The following SLC45A2 variants were observed in gnomAD, a reference collection of about 807,000 sequenced individuals.
SLC45A2 encodes the protein solute carrier family 45 member 2, also known as membrane-associated transporter protein.
SLC45A2 carries 36 observed loss-of-function variants against 45.5 expected under a neutral mutation model. That is an observed-to-expected ratio of 0.79 (90% CI 0.61 to 1.04). The LOEUF is 1.04. Ranked by LOEUF, SLC45A2 falls within the 50% of genes least tolerant of loss-of-function variation. The probability of loss-of-function intolerance (pLI) is 0.00; values close to 1 mark genes in which losing one functional copy is unlikely to be tolerated. For synonymous variants in SLC45A2, 306 were observed against 269.3 expected, an observed-to-expected ratio of 1.14 and a Z score of -1.33; for missense variants, 719 against 671.0, an observed-to-expected ratio of 1.07 and a Z score of -0.79.
At chr5:33,976,879 G>A (rs1752942224) in intron 2 of SLC45A2, among the ~76,000 whole-genome samples, 1 of 152,190 alleles carries the variant, frequency 6.6e-6, no homozygotes, top group African/African-American at 2.4e-5. Flanking sequence ...TCCCATCCAA[G>A]CTTCAGGAGC....
chr5:33,954,495 C>G lies in SLC45A2; in HGVS notation c.898G>C (p.Ala300Pro), dbSNP rs774450439. 6.2e-7 allele frequency: 1 copy of G among 1,613,682 alleles called. No individual in the cohort carries two copies. Among genetic ancestry groups the G allele is most frequent in the African/African-American group, 1.3e-5 (1 of 74,896 alleles). Residue 300 changes from alanine (A) to proline (P), a missense_variant, in exon 4 of 7, where the codon GCA (alanine) becomes CCA (proline). Transcript: ENST00000296589. Reference protein sequence around the residue: ...NKNHAEQTRRAMTLKSLLRAL... With the variant: ...NKNHAEQTRRPMTLKSLLRAL... ...CTCAGCAGTGACTTTAATGTCATTGCCCTGCGAGTCTGAAATAAAACATGA... is the reference window on the plus strand; with the variant it reads ...CTCAGCAGTGACTTTAATGTCATTGGCCTGCGAGTCTGAAATAAAACATGA...
At chr5:33,981,427 C>G (rs1753068465) in intron 2 of SLC45A2, among the ~76,000 whole-genome samples, 1 of 152,160 alleles carries the variant, frequency 6.6e-6, no homozygotes, top group African/African-American at 2.4e-5. Context: ...TAAATAAAGG[C>G]ATTGGCTGGG....
chr5:33,969,044 A>ACTCTCTCTCTCTCTCTCT lies in SLC45A2; in HGVS notation c.563-5046_563-5029dup, dbSNP rs11272324. The stretch of plus-strand genomic sequence containing the variant: ...TGGACAGTTAACATAAGTACCAGCT[A>ACTCTCTCTCTCTCTCTCT]CTCTCTCTCTCTCTCTCTCTCTGTG... On this transcript the variant is annotated intron_variant, in intron 2 of 6. Coordinates refer to ENST00000296589, the MANE Select transcript of SLC45A2 (RefSeq NM_016180.5). 7.0e-3 allele frequency among the ~76,000 whole-genome samples: 633 copies of ACTCTCTCTCTCTCTCTCT among 90,228 alleles called. 22 individuals are homozygous for ACTCTCTCTCTCTCTCTCT. The highest frequency in any genetic ancestry group is 0.015 in the South Asian group (34 of 2,294). 59.2% of individuals were successfully genotyped at this position (90,228 alleles called of 152,430 possible).
At chr5:33,975,698 T>A (rs1752909267) in intron 2 of SLC45A2, among the ~76,000 whole-genome samples, 1 of 152,168 alleles carries the variant, frequency 6.6e-6, no homozygotes, top group South Asian at 2.1e-4. Context: ...AAAACCCCAA[T>A]GTGGTTTAGG....
chr5:33,974,011 C>A (rs532717088), intron 2 of SLC45A2, among the ~76,000 whole-genome samples: 1 of 152,328 alleles, frequency 6.6e-6, no homozygotes, highest in South Asian at 2.1e-4. Flanking sequence ...CTGATCCCAG[C>A]CTCCCGCCAA....
At chr5:33,957,874 A>G (rs1752322304) in intron 3 of SLC45A2, among the ~76,000 whole-genome samples, 1 of 152,208 alleles carries the variant, frequency 6.6e-6, no homozygotes, top group Non-Finnish European at 1.5e-5. Flanking sequence ...TCTTCTAAAA[A>G]TAAATATGAG....
At chr5:33,952,674 GTTTTTT>G (rs35919837) in intron 4 of SLC45A2, among the ~76,000 whole-genome samples, 1 of 134,210 alleles carries the variant, frequency 7.5e-6, no homozygotes, top group Non-Finnish European at 1.6e-5. Context: ...TTGAGCAAAA[GTTTTTT>G]TTTTTTTTTT....
At chr5:33,945,402 A>T (rs1751888718) in intron 6 of SLC45A2, among the ~76,000 whole-genome samples, 1 of 152,270 alleles carries the variant, frequency 6.6e-6, no homozygotes. Flanking sequence ...TAAGAGAAGC[A>T]ACTTTAAAAA....
At chr5:33,971,422 G>A (rs1752773318) in intron 2 of SLC45A2, 31 of 444,484 alleles carry the variant, frequency 7.0e-5, no homozygotes, top group South Asian at 5.5e-4. Flanking sequence ...CTGGCCAGCT[G>A]GACTGCAACT....
intron 2 of SLC45A2, among the ~76,000 whole-genome samples, chr5:33,969,624 T>C (rs1367258908): frequency 6.6e-6 from 1 of 152,206 alleles, no homozygotes; most frequent in East Asian, 1.9e-4. Context: ...CGAGAGTAGA[T>C]TCATTAGAAA....
intron 2 of SLC45A2, among the ~76,000 whole-genome samples, chr5:33,979,166 T>G (rs1753006710): frequency 6.6e-6 from 1 of 152,178 alleles, no homozygotes; most frequent in African/African-American, 2.4e-5. Context: ...CAGCTTGGTT[T>G]TATACATTTT....
chr5:33,982,877 C>G (rs1274702940), intron 1 of SLC45A2, among the ~76,000 whole-genome samples: 3 of 152,250 alleles, frequency 2.0e-5, no homozygotes, highest in Non-Finnish European at 4.4e-5. Flanking sequence ...GGAGATGCTT[C>G]CAATCCCAGC....
chr5:33,959,739 T>C (rs563205657), intron 3 of SLC45A2, among the ~76,000 whole-genome samples: 1 of 152,298 alleles, frequency 6.6e-6, no homozygotes, highest in South Asian at 2.1e-4. Flanking sequence ...GTTTATAGAA[T>C]GAGGCCTCGT....
rs137938994 is a variant in SLC45A2, at chr5:33,954,365, C to T, written c.1028G>A (p.Gly343Asp). The change falls in exon 4 of 7, where the codon GGC (glycine) becomes GAC (aspartate). Residue 343 changes from glycine (G) to aspartate (D), a missense_variant. Coordinates refer to ENST00000296589, the MANE Select transcript of SLC45A2 (RefSeq NM_016180.5). ...GTGCACAGACACGTTCATTACCTGG[C>T]CCATGAAATCTGTGAAGAACAGCAT... is the stretch of plus-strand genomic sequence containing the variant. ...SNMLFFTDFM[G>D]QIVYRGDPYS... 1.2e-6 allele frequency: 2 copies of T among 1,613,878 alleles called. No individual in the cohort carries two copies. Among genetic ancestry groups the T allele is most frequent in the East Asian group, 2.2e-5 (1 of 44,894 alleles).
intron 3 of SLC45A2, 126 bp downstream of exon 3, chr5:33,963,565 G>A: frequency 9.6e-7 from 1 of 1,043,852 alleles, no homozygotes; most frequent in Non-Finnish European, 1.5e-6. Flanking sequence ...CGGGGGATTT[G>A]GGAATTCAGT....
intron 3 of SLC45A2, among the ~76,000 whole-genome samples, chr5:33,958,258 A>C (rs1172835681): frequency 6.6e-6 from 1 of 152,188 alleles, no homozygotes; most frequent in Non-Finnish European, 1.5e-5. Context: ...GAAATAATTC[A>C]GCCCTCTTGC....
At chr5:33,974,452 CAA>C (rs3836799) in intron 2 of SLC45A2, among the ~76,000 whole-genome samples, 12,150 of 132,196 alleles carry the variant, frequency 0.092, 811 homozygotes, top group East Asian at 0.2. Context: ...AGCAGTGAAA[CAA>C]AAAAAAAAAA....
intron 2 of SLC45A2, among the ~76,000 whole-genome samples, chr5:33,977,449 T>A (rs1488841201): frequency 6.6e-6 from 1 of 152,188 alleles, no homozygotes; most frequent in African/African-American, 2.4e-5. Flanking sequence ...CTTTGATTAT[T>A]TTGTGGATCT....
At chr5:33,975,894 T>G (rs1458387280) in intron 2 of SLC45A2, among the ~76,000 whole-genome samples, 2 of 152,120 alleles carry the variant, frequency 1.3e-5, no homozygotes, top group African/African-American at 2.4e-5. Context: ...TCCCCCTTCC[T>G]TCTCCCTGAC....
Sources: allele counts gnomAD v4.1 joint callset (sites outside exome capture counted in the v4.1 genomes callset), GRCh38; gene constraint gnomAD v4.1.1; transcripts MANE v1.5; gene names NCBI Gene and HGNC (gene_info 2026-07-23, HGNC 2026-07-21).